Variants in PCDHA7 observed in about 807,000 individuals in gnomAD.
PCDHA7 encodes the protein protocadherin alpha-7.
In PCDHA7, 37 loss-of-function variants were observed where a neutral mutation model predicts 57.2. The ratio of observed to expected loss-of-function variants is 0.65; its 90% CI spans 0.50 to 0.85. The LOEUF (loss-of-function observed/expected upper bound fraction) is 0.85. Ranked by LOEUF, PCDHA7 falls within the 40% of genes least tolerant of loss-of-function variation. The pLI, the probability that PCDHA7 is intolerant of heterozygous loss-of-function variation, is 0.00. For missense variants in PCDHA7, 1,188 were observed against 1,241.8 expected, an observed-to-expected ratio of 0.96 and a Z score of 0.65; for synonymous variants, 553 against 558.8, an observed-to-expected ratio of 0.99 and a Z score of 0.15.
chr5:141,010,315 T>G lies in PCDHA7; in HGVS notation c.*378T>G. ...AGGGCAGGCTGAAAAGTTTTGAGAT[T>G]GAGCAGCTTGGGAGTTTGTGGCCAC... On this transcript the variant is annotated 3_prime_UTR_variant, in exon 4 of 4. Transcript: ENST00000525929. 2.6e-6 allele frequency: 4 copies of G among 1,546,626 alleles called. No homozygotes were observed. Among genetic ancestry groups the G allele is most frequent in the Non-Finnish European group, 3.5e-6 (4 of 1,145,530 alleles).
At position 140,870,131 on chromosome 5, in the gene PCDHA7, A is replaced by G. The variant is rs782486118; in HGVS notation, c.2355+33393A>G. The G allele has an allele frequency of 2.6e-5, 42 of 1,613,870 alleles. No individual in the cohort carries two copies. In the Admixed American group the frequency reaches 4.2e-4, roughly 16 times the overall value. On this transcript the variant is annotated intron_variant, in intron 1 of 3. Coordinates refer to ENST00000525929, the MANE Select transcript of PCDHA7 (RefSeq NM_018910.3). Reference sequence around the variant, plus strand: ...GTCTGGGTGGAAATCTTGGACACCAACGATAACTCTCCTGAAGTCGCCGTG... The same window carrying G: ...GTCTGGGTGGAAATCTTGGACACCAGCGATAACTCTCCTGAAGTCGCCGTG...
At position 140,985,761 on chromosome 5, in the gene PCDHA7, A is replaced by C. The variant is rs1239020885; in HGVS notation, c.2503+3198A>C. On this transcript the variant is annotated intron_variant, in intron 3 of 3. Transcript: ENST00000525929. ...TTCCTTTTTTTTTTTTTTTTTTTTGAGACAGTCTCGCTCTGTCGCCCAGGC... is the reference window on the plus strand; with the variant it reads ...TTCCTTTTTTTTTTTTTTTTTTTTGCGACAGTCTCGCTCTGTCGCCCAGGC... 7.9e-5 allele frequency among the ~76,000 whole-genome samples: 5 copies of C among 63,266 alleles called. No individual in the cohort carries two copies. In the East Asian group the frequency reaches 3.3e-3, roughly 41 times the overall value. 41.5% of individuals were successfully genotyped at this position (63,266 alleles called of 152,430 possible). A position where few individuals can be genotyped will look rare whatever the true frequency, so the allele number is the denominator to read the frequency against.
At chr5:141,001,143 G>T (rs1310182286) in intron 3 of PCDHA7, among the ~76,000 whole-genome samples, 1 of 151,914 alleles carries the variant, frequency 6.6e-6, no homozygotes, top group Admixed American at 6.5e-5. Context: ...ATCTTCTGTT[G>T]CTCTGATCTT....
chr5:140,929,414 A>C, intron 1 of PCDHA7: 1 of 1,504,422 alleles, frequency 6.6e-7, no homozygotes. Flanking sequence ...GCCTTTCACA[A>C]CATTTCATCA....
rs146878440 is a variant in PCDHA7 at position 140,836,286 on chromosome 5, C to A, written c.1903C>A (p.Arg635=). The A allele has an allele frequency of 1.2e-6, 2 of 1,613,774 alleles. No homozygotes were observed. The highest frequency in any genetic ancestry group is 2.2e-5 in the East Asian group (1 of 44,858). The change falls in exon 1 of 4, where the codon CGA becomes AGA. Residue 635 remains arginine, a synonymous_variant. Transcript: ENST00000525929. ...GTACACTGGTGAGATCAGCACGACACGAGCCCTAGATGAGACGGACGCACC... is the reference window on the plus strand; with the variant it reads ...GTACACTGGTGAGATCAGCACGACAAGAGCCCTAGATGAGACGGACGCACC... ...GLYTGEISTT[R]ALDETDAPRH...
intron 1 of PCDHA7, chr5:140,859,513 T>C: frequency 5.1e-6 from 1 of 196,260 alleles, no homozygotes; most frequent in Non-Finnish European, 1.0e-5. Context: ...ACCCATGATT[T>C]CATTTTTAAA....
chr5:140,970,425 C>T (rs1554232453), intron 1 of PCDHA7, among the ~76,000 whole-genome samples: 1 of 151,722 alleles, frequency 6.6e-6, no homozygotes, highest in Non-Finnish European at 1.5e-5. Flanking sequence ...GGTGTAGAGG[C>T]AGGTGTTAGT....
intron 1 of PCDHA7, among the ~76,000 whole-genome samples, chr5:140,892,143 C>T (rs983937899): frequency 3.3e-5 from 5 of 152,262 alleles, no homozygotes; most frequent in African/African-American, 9.6e-5. Flanking sequence ...ATGGTTTTAG[C>T]GTCTATTTCT....
In PCDHA7 at chr5:140,971,075, T is replaced by C. The variant is rs560795307; in HGVS notation, c.2356-7874T>C. 1.4e-4 allele frequency among the ~76,000 whole-genome samples: 22 copies of C among 152,322 alleles called. No homozygotes were observed. The South Asian group carries it at 3.7e-3, about 26-fold the overall frequency. ...CTTTAAATAAGGTTGCTGTAGACAT[T>C]TGCTTAACAAATTCTTGTGAAGCCC... is the stretch of plus-strand genomic sequence containing the variant. On this transcript the variant is annotated intron_variant, in intron 1 of 3. Transcript: ENST00000525929.
chr5:140,928,043 C>G (rs1554205400), intron 1 of PCDHA7: 2 of 1,614,192 alleles, frequency 1.2e-6, no homozygotes, highest in Non-Finnish European at 1.7e-6. Context: ...AGTGCAGGCC[C>G]TTTTCAGCTG....
At position 140,928,347 on chromosome 5, in the gene PCDHA7, G is replaced by A. The variant is rs139222568; in HGVS notation, c.2356-50602G>A. 5 of 1,614,148 alleles carry A rather than the reference G, an allele frequency of 3.1e-6. No homozygotes were observed. The African/African-American group carries it at 5.3e-5, about 17-fold the overall frequency. On this transcript the variant is annotated intron_variant, in intron 1 of 3. Coordinates refer to ENST00000525929, the MANE Select transcript of PCDHA7 (RefSeq NM_018910.3). ...ATGGCCTTGTCTCTTATGAGCTGTT[G>A]GATGTTATCTCTGAAGGGCCATCAG...
At position 140,890,629 on chromosome 5, in the gene PCDHA7, A is replaced by T. The variant is rs6883083; in HGVS notation, c.2355+53891A>T. On this transcript the variant is annotated intron_variant, in intron 1 of 3. Transcript: ENST00000525929. ...TAGTGCTTACCCTAGAAAATTAAGCATGTATCCTTGATATATCAAAATCAA... is the reference window on the plus strand; with the variant it reads ...TAGTGCTTACCCTAGAAAATTAAGCTTGTATCCTTGATATATCAAAATCAA... Among the ~76,000 whole-genome samples, 1,394 of 152,274 alleles carry T rather than the reference A, an allele frequency of 9.2e-3. 17 individuals are homozygous for T. Among genetic ancestry groups the T allele is most frequent in the African/African-American group, 0.032 (1,348 of 41,546 alleles).
intron 1 of PCDHA7, chr5:140,927,135 G>T: frequency 6.2e-7 from 1 of 1,614,062 alleles, no homozygotes; most frequent in Non-Finnish European, 8.5e-7. Flanking sequence ...GAGAGCCGGC[G>T]GACCGCGAAC....
intron 1 of PCDHA7, among the ~76,000 whole-genome samples, chr5:140,906,204 C>A (rs2072457750): frequency 6.6e-6 from 1 of 152,192 alleles, no homozygotes. Context: ...AGTTGACACT[C>A]AGTATTAACC....
At chr5:140,956,666 G>C (rs1232573740) in intron 1 of PCDHA7, among the ~76,000 whole-genome samples, 2 of 152,088 alleles carry the variant, frequency 1.3e-5, no homozygotes, top group African/African-American at 4.8e-5. Context: ...GGCCTTAAAG[G>C]AGTTAGGGAG....
At chr5:140,911,051 G>C (rs566300992) in intron 1 of PCDHA7, among the ~76,000 whole-genome samples, 1 of 152,100 alleles carries the variant, frequency 6.6e-6, no homozygotes, top group East Asian at 1.9e-4. Flanking sequence ...CAGGGGTGGT[G>C]GGGGGTGGGT....
chr5:140,876,618 T>C (rs781928314), intron 1 of PCDHA7: 7 of 1,614,074 alleles, frequency 4.3e-6, no homozygotes, highest in African/African-American at 1.3e-5. Flanking sequence ...CTGGAGCCAA[T>C]GGACAGGTCA....
chr5:140,870,629 T>C, intron 1 of PCDHA7: 2 of 1,612,984 alleles, frequency 1.2e-6, no homozygotes, highest in East Asian at 4.5e-5. Flanking sequence ...TACGTGTCGG[T>C]GCACGCGGAG....
At position 140,835,904 on chromosome 5, in the gene PCDHA7, C is replaced by G; in HGVS notation, c.1521C>G (p.Tyr507Ter). The G allele has an allele frequency of 1.2e-6, 2 of 1,612,180 alleles. No individual in the cohort carries two copies. Among genetic ancestry groups the G allele is most frequent in the Non-Finnish European group, 1.7e-6 (2 of 1,179,656 alleles). The change falls in exon 1 of 4, where the codon TAC (tyrosine) becomes TAG (stop). Residue 507 changes from tyrosine to a stop codon, truncating the protein, a stop_gained. Coordinates refer to ENST00000525929, the MANE Select transcript of PCDHA7 (RefSeq NM_018910.3). LOFTEE classifies it high-confidence loss of function. ...LRVGERALSSYVSVHAESGKV... is the reference protein window; with the variant it reads ...LRVGERALSS ...TGGGCGAGCGCGCGCTGTCGAGCTA[C>G]GTGTCAGTGCACGCGGAGAGCGGCA...
Sources: allele counts gnomAD v4.1 joint callset (sites outside exome capture counted in the v4.1 genomes callset), GRCh38; gene constraint gnomAD v4.1.1; transcripts MANE v1.5; gene names NCBI Gene and HGNC (gene_info 2026-07-23, HGNC 2026-07-21).